Variants in GPR155 observed in about 807,000 individuals in gnomAD.
GPR155 encodes the protein G protein-coupled receptor 155, also known as lysosomal cholesterol signaling protein.
Under a neutral mutation model 93.1 loss-of-function variants are expected in GPR155, and 65 were observed. That is an observed-to-expected ratio of 0.70 (90% CI 0.57 to 0.86). The LOEUF (loss-of-function observed/expected upper bound fraction) is 0.86, where lower values mean the gene tolerates loss of function less well. Among genes scored for constraint, GPR155 ranks in the 40% least tolerant of loss-of-function variants. The pLI is 0.00. For missense variants in GPR155, 838 were observed against 1,034.8 expected, an observed-to-expected ratio of 0.81 and a Z score of 2.61; for synonymous variants, 319 against 360.1, an observed-to-expected ratio of 0.89 and a Z score of 1.29.
chr2:174,435,926 A>G lies in GPR155; in HGVS notation c.*190T>C, dbSNP rs998316072. ...TCTCTTTTTCCTAAGTCAGCTTCCT[A>G]TGTGTTTTACATACATGTAAAATCA... On this transcript the variant is annotated 3_prime_UTR_variant, in exon 16 of 16. Coordinates refer to ENST00000392552, the MANE Select transcript of GPR155 (RefSeq NM_152529.7). 3 of 556,774 alleles carry G rather than the reference A, an allele frequency of 5.4e-6. No homozygotes were observed. Among genetic ancestry groups the G allele is most frequent in the Admixed American group, 6.5e-5 (2 of 30,976 alleles). The allele number at this position is 556,774 out of a possible 1,614,324, so 34.5% of individuals were successfully genotyped here.
In GPR155 at chr2:174,459,959, C is replaced by G. The variant is rs146835960; in HGVS notation, c.1690G>C (p.Glu564Gln). The G allele has an allele frequency of 1.9e-5, 31 of 1,614,118 alleles. No individual in the cohort carries two copies. In the Middle Eastern group the frequency reaches 8.2e-4, roughly 43 times the overall value. The change falls in exon 10 of 16, where the codon GAG becomes CAG. Residue 564 changes from glutamate (E) to glutamine (Q), a missense_variant. Transcript: ENST00000392552. The part of the protein sequence containing the change: ...FDQSQSHKVV[E>Q]PGNTAFEESP... ...TCCTCAAAAGCAGTATTTCCAGGCT[C>G]CACCACTTTGTGGCTCTGAGACTGA...
Position 174,460,057 on chromosome 2 carries a change from C to T in GPR155, c.1592G>A (p.Ser531Asn), listed in dbSNP as rs1327140322. ...GAGGGATATGCCAGCTATCAGGATG[C>T]TGCAGAACAGGGTGACTGCTGTGGT... ...MITTAVTLFC[S>N]ILIAGISLMC... Residue 531 changes from serine to asparagine, a missense_variant, in exon 10 of 16, where the codon AGC becomes AAC. This residue lies in a region of GPR155 where 663 missense variants were observed against 790.1 expected (regional missense o/e 0.84). Transcript: ENST00000392552. The T allele has an allele frequency of 1.1e-5, 18 of 1,612,968 alleles. No homozygotes were observed. The highest frequency in any genetic ancestry group is 1.4e-5 in the Non-Finnish European group (17 of 1,179,962).
At chr2:174,482,102 C>A in intron 1 of GPR155, 115 bp from the exon 2 acceptor site, 1 of 593,718 alleles carries the variant, frequency 1.7e-6, no homozygotes, top group Non-Finnish European at 3.0e-6. Flanking sequence ...AATATACATA[C>A]CCCTAGATTT....
At position 174,459,958 on chromosome 2, in the gene GPR155, T is replaced by C; in HGVS notation, c.1691A>G (p.Glu564Gly). Reference sequence around the variant, plus strand: ...CTCCTCAAAAGCAGTATTTCCAGGCTCCACCACTTTGTGGCTCTGAGACTG... The same window carrying C: ...CTCCTCAAAAGCAGTATTTCCAGGCCCCACCACTTTGTGGCTCTGAGACTG... ...FDQSQSHKVV[E>G]PGNTAFEESP... The change falls in exon 10 of 16, where the codon GAG (glutamate) becomes GGG (glycine). Residue 564 changes from glutamate (E) to glycine (G), a missense_variant. Glu to Gly is a moderately conservative substitution (Grantham distance 98). Around this residue, in one of 3 missense-constraint regions of GPR155, gnomAD observed 663 missense variants for 790.1 expected, o/e 0.84. Coordinates refer to ENST00000392552, the MANE Select transcript of GPR155 (RefSeq NM_152529.7). 1.2e-6 allele frequency: 2 copies of C among 1,614,150 alleles called. No individual in the cohort carries two copies. Among genetic ancestry groups the C allele is most frequent in the South Asian group, 2.2e-5 (2 of 91,084 alleles).
intron 1 of GPR155, among the ~76,000 whole-genome samples, chr2:174,486,612 A>G (rs1688489523): frequency 6.6e-6 from 1 of 152,198 alleles, no homozygotes; most frequent in South Asian, 2.1e-4. Flanking sequence ...GGAGCTTCCC[A>G]AACTAGGGAT....
intron 10 of GPR155, among the ~76,000 whole-genome samples, chr2:174,456,503 A>C (rs550276949): frequency 1.3e-5 from 2 of 152,050 alleles, no homozygotes; most frequent in East Asian, 1.9e-4. Context: ...GGGTTTTGCC[A>C]TGTTGCCCAG....
chr2:174,483,457 C>T (rs959764480), intron 1 of GPR155, among the ~76,000 whole-genome samples: 15 of 152,194 alleles, frequency 9.9e-5, no homozygotes, highest in Middle Eastern at 3.4e-3. Flanking sequence ...ATTCAAAACA[C>T]GAATAGTACA....
In GPR155 at chr2:174,472,914, A is replaced by G. The variant is rs772324193; in HGVS notation, c.860+51T>C. The G allele has an allele frequency of 2.5e-5, 37 of 1,472,856 alleles. No individual in the cohort carries two copies. In the East Asian group the frequency reaches 7.5e-4, roughly 30 times the overall value. 91.2% of individuals were successfully genotyped at this position (1,472,856 alleles called of 1,614,324 possible). A position where few individuals can be genotyped will look rare whatever the true frequency, so the allele number is the denominator to read the frequency against. On this transcript the variant is annotated intron_variant, in intron 3 of 15. Coordinates refer to ENST00000392552, the MANE Select transcript of GPR155 (RefSeq NM_152529.7). ...CAGACATACCCCTGATGAATTGGCT[A>G]AATACGGCTTTCAAAAAGTACAATT... is the stretch of plus-strand genomic sequence containing the variant.
chr2:174,480,834 A>G (rs1232260529), intron 2 of GPR155, among the ~76,000 whole-genome samples: 2 of 152,166 alleles, frequency 1.3e-5, no homozygotes, highest in Non-Finnish European at 2.9e-5. Flanking sequence ...CAGTGGTATA[A>G]TATTGACCCA....
At chr2:174,446,934 T>C (rs546304790) in intron 11 of GPR155, among the ~76,000 whole-genome samples, 187 bp from the exon 12 acceptor site, 81 of 152,300 alleles carry the variant, frequency 5.3e-4, no homozygotes, top group Non-Finnish European at 1.0e-3. Context: ...TGAAATGTTT[T>C]TATCTCAAAA....
chr2:174,453,668 GAAAA>G, intron 11 of GPR155, 65 bp downstream of exon 11: 1 of 511,698 alleles, frequency 2.0e-6, no homozygotes, highest in Non-Finnish European at 3.6e-6. Context: ...TCAAAAAAAA[GAAAA>G]AAAAAAAAAA....
chr2:174,433,107 G>A lies in GPR155; in HGVS notation c.*3009C>T, dbSNP rs752774172. The stretch of plus-strand genomic sequence containing the variant: ...AACTGTTTATTTGTTGCATTAAAAG[G>A]GCAATGACTCTAACCCTATAAATTA... On this transcript the variant is annotated 3_prime_UTR_variant, in exon 16 of 16. Coordinates refer to ENST00000392552, the MANE Select transcript of GPR155 (RefSeq NM_152529.7). 2 of 152,004 alleles carry A rather than the reference G, an allele frequency of 1.3e-5. No individual in the cohort carries two copies. The highest frequency in any genetic ancestry group is 2.4e-5 in the African/African-American group (1 of 41,372). The allele number at this position is 152,004 out of a possible 1,614,324, so 9.4% of individuals were successfully genotyped here.
chr2:174,476,442 A>G (rs2105734032), intron 2 of GPR155, among the ~76,000 whole-genome samples: 1 of 152,152 alleles, frequency 6.6e-6, no homozygotes, highest in Middle Eastern at 3.4e-3. Flanking sequence ...CATCTCTACT[A>G]AAAATACAAA....
chr2:174,450,639 C>G (rs1350688641), intron 11 of GPR155, among the ~76,000 whole-genome samples: 1 of 152,160 alleles, frequency 6.6e-6, no homozygotes, highest in Non-Finnish European at 1.5e-5. Context: ...CTTTGTTTTT[C>G]TACCTTAGCT....
At chr2:174,471,571 T>A (rs1256730482) in intron 3 of GPR155, among the ~76,000 whole-genome samples, 3 of 151,524 alleles carry the variant, frequency 2.0e-5, no homozygotes, top group Non-Finnish European at 2.9e-5. Context: ...ATTAAACAAA[T>A]TTTTCAGGAT....
intron 8 of GPR155, 48 bp from the exon 9 acceptor site, chr2:174,461,540 A>C (rs750508704): frequency 1.9e-6 from 3 of 1,549,002 alleles, no homozygotes; most frequent in Non-Finnish European, 2.7e-6. Flanking sequence ...GATGAATAGT[A>C]ACTGTCTATA....
intron 3 of GPR155, among the ~76,000 whole-genome samples, 155 bp from the exon 4 acceptor site, chr2:174,470,710 T>G (rs1341183149): frequency 1.3e-5 from 2 of 152,174 alleles, no homozygotes; most frequent in Non-Finnish European, 2.9e-5. Context: ...GGGCACATTT[T>G]GTTGAAAAAA....
rs1396369099 is a variant in GPR155 at position 174,481,577 on chromosome 2, G to A, written c.380C>T (p.Pro127Leu). 4.3e-6 allele frequency: 7 copies of A among 1,613,610 alleles called. No homozygotes were observed. Among genetic ancestry groups the A allele is most frequent in the Non-Finnish European group, 5.9e-6 (7 of 1,179,868 alleles). Residue 127 changes from proline to leucine, a missense_variant, in exon 2 of 16, where the codon CCT becomes CTT. Coordinates refer to ENST00000392552, the MANE Select transcript of GPR155 (RefSeq NM_152529.7). ...TCCAGCTTTGCTAAATCGACTATCAGGACTGGCAACCAATAAGGTTAATAC... is the reference window on the plus strand; with the variant it reads ...TCCAGCTTTGCTAAATCGACTATCAAGACTGGCAACCAATAAGGTTAATAC... ...VCVLTLLVAS[P>L]DSRFSKAGLF...
At position 174,434,834 on chromosome 2, in the gene GPR155, G is replaced by C. The variant is rs1159887383; in HGVS notation, c.*1282C>G. On this transcript the variant is annotated 3_prime_UTR_variant, in exon 16 of 16. Coordinates refer to ENST00000392552, the MANE Select transcript of GPR155 (RefSeq NM_152529.7). ...AGTACAGACCGGGTTTCACCACGTTGCCCGGGCTGGTCTTGAACTCCTGAC... is the reference window on the plus strand; with the variant it reads ...AGTACAGACCGGGTTTCACCACGTTCCCCGGGCTGGTCTTGAACTCCTGAC... 1 of 146,210 alleles carries C rather than the reference G, an allele frequency of 6.8e-6. No homozygotes were observed. The highest frequency in any genetic ancestry group is 1.5e-5 in the Non-Finnish European group (1 of 66,996). 9.1% of individuals were successfully genotyped at this position (146,210 alleles called of 1,614,324 possible). A position where few individuals can be genotyped will look rare whatever the true frequency, so the allele number is the denominator to read the frequency against.
Sources: gnomAD v4.1 joint callset for allele counts (sites outside exome capture counted in the v4.1 genomes callset) on GRCh38, gnomAD v4.1.1 for gene constraint, gnomAD v4.1.1 regional missense constraint, MANE v1.5 for transcripts, NCBI Gene and HGNC (gene_info 2026-07-23, HGNC 2026-07-21) for gene names.